Variants in PTPRD observed in about 807,000 individuals in gnomAD.
PTPRD encodes protein tyrosine phosphatase receptor type D, also known as receptor-type tyrosine-protein phosphatase delta.
Under a neutral mutation model 214.5 loss-of-function variants are expected in PTPRD, and 34 were observed. The ratio of observed to expected loss-of-function variants is 0.16; its 90% CI spans 0.12 to 0.21. The LOEUF (loss-of-function observed/expected upper bound fraction) is 0.21. PTPRD is among the 10% of genes least tolerant of loss of function. PTPRD has a pLI of 1.00. For synonymous variants in PTPRD, 1,128 were observed against 845.7 expected, an observed-to-expected ratio of 1.33 and a Z score of -5.79; for missense variants, 2,545 against 2,398.7, an observed-to-expected ratio of 1.06 and a Z score of -1.27.
At chr9:10,573,861 T>C (rs984353252) in intron 2 of PTPRD, among the ~76,000 whole-genome samples, 6 of 152,196 alleles carry the variant, frequency 3.9e-5, no homozygotes, top group Non-Finnish European at 7.4e-5. Context: ...GATGAGTAAG[T>C]GAAGCAGACC....
chr9:9,459,088 A>G (rs968871800), intron 8 of PTPRD, among the ~76,000 whole-genome samples: 2 of 152,070 alleles, frequency 1.3e-5, no homozygotes, highest in Non-Finnish European at 2.9e-5. Context: ...GAAACCAGAA[A>G]GTCTGCAGAG....
At chr9:9,140,155 T>G (rs1307193123) in intron 10 of PTPRD, among the ~76,000 whole-genome samples, 2 of 149,776 alleles carry the variant, frequency 1.3e-5, no homozygotes, top group African/African-American at 4.9e-5. Context: ...AAAAGTCCCT[T>G]CATAGGAGTT....
chr9:9,455,072 G>A (rs1037721542), intron 8 of PTPRD, among the ~76,000 whole-genome samples: 2 of 151,568 alleles, frequency 1.3e-5, no homozygotes, highest in Non-Finnish European at 3.0e-5. Flanking sequence ...AATGGACAAT[G>A]TTGAAATATA....
At chr9:8,458,776 C>A (rs2096288766) in intron 33 of PTPRD, among the ~76,000 whole-genome samples, 1 of 151,954 alleles carries the variant, frequency 6.6e-6, no homozygotes, top group Admixed American at 6.6e-5. Context: ...CTTATAGATA[C>A]AGATTGGAAT....
intron 3 of PTPRD, among the ~76,000 whole-genome samples, chr9:10,087,301 T>C (rs1378979936): frequency 6.6e-6 from 1 of 151,718 alleles, no homozygotes; most frequent in Non-Finnish European, 1.5e-5. Flanking sequence ...CATCTTCACT[T>C]TGGCACAAAG....
At chr9:9,826,960 C>T (rs1201242330) in intron 5 of PTPRD, among the ~76,000 whole-genome samples, 1 of 151,954 alleles carries the variant, frequency 6.6e-6, no homozygotes, top group Non-Finnish European at 1.5e-5. Context: ...TGTGAAGGAC[C>T]TCTTCAAGGA....
At chr9:9,663,406 G>C (rs2096656240) in intron 7 of PTPRD, among the ~76,000 whole-genome samples, 1 of 151,342 alleles carries the variant, frequency 6.6e-6, no homozygotes, top group South Asian at 2.1e-4. Flanking sequence ...TTTTTAAAAA[G>C]TGACTACAGT....
intron 9 of PTPRD, among the ~76,000 whole-genome samples, chr9:9,326,020 G>C (rs1969928184): frequency 6.6e-6 from 1 of 151,952 alleles, no homozygotes; most frequent in Admixed American, 6.6e-5. Context: ...TGTTGAACCA[G>C]CCTTGCATCC....
At chr9:9,218,118 T>C (rs865991574) in intron 9 of PTPRD, among the ~76,000 whole-genome samples, 3 of 152,150 alleles carry the variant, frequency 2.0e-5, no homozygotes, top group Non-Finnish European at 2.9e-5. Flanking sequence ...TAATGTTGCA[T>C]TGGACTGAAT....
chr9:10,182,443 AG>A (rs538481852), intron 3 of PTPRD, among the ~76,000 whole-genome samples: 215 of 152,134 alleles, frequency 1.4e-3, no homozygotes, highest in African/African-American at 4.7e-3. Flanking sequence ...TCTGGAAAAT[AG>A]GGGAGATCAA....
In PTPRD at chr9:8,470,091, T is replaced by C. The variant is rs886277044; in HGVS notation, c.3504+904A>G. On this transcript the variant is annotated intron_variant, in intron 31 of 45. Coordinates refer to ENST00000381196, the MANE Select transcript of PTPRD (RefSeq NM_002839.4). ...TATGCTATAAATAATCCCAATAAAT[T>C]AAAATCTCATATTTGCCAAATGGGG... 3.9e-4 allele frequency among the ~76,000 whole-genome samples: 59 copies of C among 152,104 alleles called. 3 individuals carry two copies. The highest frequency in any genetic ancestry group is 2.1e-4 in the South Asian group (1 of 4,830).
At position 9,962,450 on chromosome 9, in the gene PTPRD, T is replaced by C. The variant is rs532899824; in HGVS notation, c.-471-23840A>G. 5.9e-5 allele frequency among the ~76,000 whole-genome samples: 9 copies of C among 152,084 alleles called. No homozygotes were observed. The South Asian group carries it at 8.3e-4, about 14-fold the overall frequency. On this transcript the variant is annotated intron_variant, in intron 4 of 45. Transcript: ENST00000381196. ...AAAATTAGAATATCTGTTGAACATA[T>C]TGAACCTTATATAAATGTTCTCACT...
intron 36 of PTPRD, among the ~76,000 whole-genome samples, chr9:8,391,851 T>C (rs577643689): frequency 2.6e-4 from 40 of 152,278 alleles, no homozygotes; most frequent in African/African-American, 8.7e-4. Flanking sequence ...GAATCATTCC[T>C]AAAGACAGGG....
intron 3 of PTPRD, among the ~76,000 whole-genome samples, chr9:10,232,803 GAAA>G (rs1174717318): frequency 6.6e-6 from 1 of 151,964 alleles, no homozygotes; most frequent in Non-Finnish European, 1.5e-5. Flanking sequence ...TGCTGAAAAA[GAAA>G]CTCAACTCAC....
intron 12 of PTPRD, among the ~76,000 whole-genome samples, chr9:8,728,045 C>A (rs1317583478): frequency 6.6e-6 from 1 of 152,012 alleles, no homozygotes; most frequent in Non-Finnish European, 1.5e-5. Flanking sequence ...GTCGGGAGTT[C>A]GAGACCAGCC....
At chr9:9,773,110 T>C (rs139251143) in intron 5 of PTPRD, among the ~76,000 whole-genome samples, 76 of 152,262 alleles carry the variant, frequency 5.0e-4, no homozygotes, top group African/African-American at 1.8e-3. Flanking sequence ...AATTTTATGG[T>C]TTTAGATGAA....
chr9:9,347,673 T>C lies in PTPRD; in HGVS notation c.-203+49776A>G, dbSNP rs2049390011. Among the ~76,000 whole-genome samples, 3 of 152,080 alleles carry C rather than the reference T, an allele frequency of 2.0e-5. No individual in the cohort carries two copies. In the South Asian group the frequency reaches 6.2e-4, roughly 31 times the overall value. ...AAGTTAAATATATAGCAGCAGATAATGGGGAAAAGGGTGAGATTTTGATTC... is the reference window on the plus strand; with the variant it reads ...AAGTTAAATATATAGCAGCAGATAACGGGGAAAAGGGTGAGATTTTGATTC... On this transcript the variant is annotated intron_variant, in intron 9 of 45. Transcript: ENST00000381196.
chr9:8,778,226 A>G (rs1042518014), intron 11 of PTPRD, among the ~76,000 whole-genome samples: 6 of 152,234 alleles, frequency 3.9e-5, no homozygotes, highest in African/African-American at 1.4e-4. Context: ...CTGATTGGCA[A>G]ATTATAACAT....
At chr9:10,186,355 C>A (rs926119514) in intron 3 of PTPRD, among the ~76,000 whole-genome samples, 2 of 151,994 alleles carry the variant, frequency 1.3e-5, no homozygotes, top group South Asian at 4.1e-4. Flanking sequence ...ATTTTGCAAT[C>A]TTGTTTACTT....
Sources: allele counts gnomAD v4.1 joint callset (sites outside exome capture counted in the v4.1 genomes callset), GRCh38; gene constraint gnomAD v4.1.1; transcripts MANE v1.5; gene names NCBI Gene and HGNC (gene_info 2026-07-23, HGNC 2026-07-21).